Variants in DNER observed in about 807,000 individuals in gnomAD.
DNER encodes the protein delta and Notch-like epidermal growth factor-related receptor.
A neutral mutation model predicts 78.2 loss-of-function variants in DNER; 33 were observed. That is an observed-to-expected ratio of 0.42 (90% CI 0.32 to 0.56). The LOEUF (loss-of-function observed/expected upper bound fraction) is 0.56. DNER is among the 20% of genes least tolerant of loss of function. The pLI is 0.11. For missense variants in DNER, 918 were observed against 975.3 expected (o/e 0.94, Z 0.78); for synonymous variants, 417 against 384.8 (o/e 1.08, Z -0.98).
intron 5 of DNER, among the ~76,000 whole-genome samples, chr2:229,545,793 G>T (rs1464800690): frequency 6.6e-6 from 1 of 152,120 alleles, no homozygotes; most frequent in Non-Finnish European, 1.5e-5. Flanking sequence ...TCTGATGCCG[G>T]CTCCACAAAG....
At chr2:229,436,970 G>A (rs1412804046) in intron 8 of DNER, among the ~76,000 whole-genome samples, 1 of 152,202 alleles carries the variant, frequency 6.6e-6, no homozygotes, top group African/African-American at 2.4e-5. Context: ...ATGTAAATGG[G>A]CTACATGCCC....
At chr2:229,634,346 A>G (rs1574937281) in intron 1 of DNER, among the ~76,000 whole-genome samples, 1 of 151,990 alleles carries the variant, frequency 6.6e-6, no homozygotes, top group East Asian at 1.9e-4. Flanking sequence ...GAGGAAATTG[A>G]GAGGCAGTGG....
intron 8 of DNER, among the ~76,000 whole-genome samples, chr2:229,442,239 G>A (rs1378277836): frequency 1.1e-4 from 17 of 152,272 alleles, no homozygotes; most frequent in Admixed American, 8.5e-4. Flanking sequence ...TTCATCGGCC[G>A]GGAGCAGTGC....
intron 5 of DNER, among the ~76,000 whole-genome samples, chr2:229,535,736 C>T (rs543464466): frequency 1.1e-4 from 16 of 152,104 alleles, no homozygotes; most frequent in East Asian, 1.9e-4. Context: ...CTTCGCCTCC[C>T]GGGTTCCAGC....
intron 8 of DNER, among the ~76,000 whole-genome samples, chr2:229,425,057 G>C (rs1217940316): frequency 6.6e-6 from 1 of 152,104 alleles, no homozygotes; most frequent in Non-Finnish European, 1.5e-5. Context: ...TGTTGTGAAG[G>C]GTGAGAGTTC....
intron 1 of DNER, among the ~76,000 whole-genome samples, chr2:229,706,352 A>T (rs115994675): frequency 9.8e-4 from 148 of 150,856 alleles, no homozygotes; most frequent in African/African-American, 3.4e-3. Flanking sequence ...GGAGTTCAAG[A>T]CTAGCCTGAC....
At chr2:229,468,065 C>T (rs958537663) in intron 7 of DNER, among the ~76,000 whole-genome samples, 16 of 152,152 alleles carry the variant, frequency 1.1e-4, no homozygotes, top group Admixed American at 2.6e-4. Context: ...GAAGGGAAAC[C>T]GCCTTTGCAG....
intron 1 of DNER, among the ~76,000 whole-genome samples, chr2:229,710,992 C>CAT (rs1265035387): frequency 6.7e-6 from 1 of 150,074 alleles, no homozygotes; most frequent in Non-Finnish European, 1.5e-5. Context: ...CGCACACACA[C>CAT]ACACACACAC....
At chr2:229,711,113 A>C (rs1244557234) in intron 1 of DNER, among the ~76,000 whole-genome samples, 1 of 152,030 alleles carries the variant, frequency 6.6e-6, no homozygotes. Context: ...GAGAACAGGG[A>C]AAGGAGACTG....
At chr2:229,413,321 C>CTTCTTTTTTT (rs1693567598) in intron 9 of DNER, among the ~76,000 whole-genome samples, 2 of 67,774 alleles carry the variant, frequency 3.0e-5, no homozygotes, top group Admixed American at 2.3e-4. Context: ...TTTTCTTCTT[C>CTTCTTTTTTT]TTTTTTTTTT....
intron 7 of DNER, among the ~76,000 whole-genome samples, chr2:229,476,156 G>A (rs1695031148): frequency 6.6e-6 from 1 of 152,110 alleles, no homozygotes; most frequent in Non-Finnish European, 1.5e-5. Context: ...ATCTCACTCC[G>A]GCCCCCACCC....
intron 7 of DNER, among the ~76,000 whole-genome samples, chr2:229,452,279 G>A (rs575919118): frequency 8.5e-5 from 13 of 152,320 alleles, no homozygotes; most frequent in Non-Finnish European, 1.8e-4. Flanking sequence ...AAATATATTA[G>A]AGCATGATTT....
intron 11 of DNER, among the ~76,000 whole-genome samples, chr2:229,372,809 G>A (rs759600519): frequency 6.6e-6 from 1 of 152,168 alleles, no homozygotes; most frequent in Middle Eastern, 3.4e-3. Flanking sequence ...ACAGAGAGAG[G>A]GGAATGGATG....
chr2:229,416,284 T>C (rs548853960), intron 9 of DNER, among the ~76,000 whole-genome samples: 1 of 152,342 alleles, frequency 6.6e-6, no homozygotes, highest in Admixed American at 6.5e-5. Context: ...TCACTTCCTT[T>C]CTTGAGTGTT....
At chr2:229,494,666 G>A (rs1695466136) in intron 6 of DNER, among the ~76,000 whole-genome samples, 1 of 152,204 alleles carries the variant, frequency 6.6e-6, no homozygotes, top group South Asian at 2.1e-4. Context: ...AAAGGAGGAA[G>A]CCTTGTCCCC....
At chr2:229,571,199 G>C (rs529727948) in intron 4 of DNER, among the ~76,000 whole-genome samples, 1 of 152,106 alleles carries the variant, frequency 6.6e-6, no homozygotes, top group East Asian at 1.9e-4. Context: ...CTGATAAATA[G>C]ATGTGGGAAA....
chr2:229,603,526 A>G (rs1276946116), intron 1 of DNER, among the ~76,000 whole-genome samples: 1 of 152,246 alleles, frequency 6.6e-6, no homozygotes. Flanking sequence ...CAAGTAGAAC[A>G]AATTCCCCAA....
At chr2:229,372,961 C>T (rs73998212) in intron 11 of DNER, among the ~76,000 whole-genome samples, 1,532 of 152,142 alleles carry the variant, frequency 0.01, 28 homozygotes, top group African/African-American at 0.033. Flanking sequence ...CCGAGTGAGA[C>T]GACCAGATTT....
At chr2:229,435,420 C>T (rs1694102146) in intron 8 of DNER, among the ~76,000 whole-genome samples, 2 of 152,188 alleles carry the variant, frequency 1.3e-5, no homozygotes, top group South Asian at 2.1e-4. Flanking sequence ...GAATCACAAA[C>T]AATAAGTGGT....
Sources: allele counts gnomAD v4.1 joint callset (sites outside exome capture counted in the v4.1 genomes callset), GRCh38; gene constraint gnomAD v4.1.1; transcripts MANE v1.5; gene names NCBI Gene and HGNC (gene_info 2026-07-23, HGNC 2026-07-21).